The following ZPBP variants were observed in gnomAD, a reference collection of about 807,000 sequenced individuals.
ZPBP encodes the protein zona pellucida binding protein.
Under a neutral mutation model 44.8 loss-of-function variants are expected in ZPBP, and 26 were observed. The ratio of observed to expected loss-of-function variants is 0.58; its 90% confidence interval spans 0.43 to 0.81. The LOEUF (loss-of-function observed/expected upper bound fraction) is 0.81. ZPBP is among the 30% of genes least tolerant of loss of function. The probability of loss-of-function intolerance (pLI) is 0.00; values close to 1 mark genes in which losing one functional copy is unlikely to be tolerated. For synonymous variants in ZPBP, 174 were observed against 153.2 expected (o/e 1.14, Z -1.00); for missense variants, 409 against 434.0 (o/e 0.94, Z 0.51).
intron 1 of ZPBP, chr7:49,912,144 C>G (rs1428418971): frequency 1.9e-6 from 3 of 1,613,844 alleles, no homozygotes. Context: ...GAGAATCGAG[C>G]GGCAGGCCAT....
intron 7 of ZPBP, among the ~76,000 whole-genome samples, chr7:49,971,551 AT>A (rs1387169392): frequency 6.6e-6 from 1 of 152,178 alleles, no homozygotes; most frequent in African/African-American, 2.4e-5. Flanking sequence ...TCTATAAAAA[AT>A]GACTCAAAAG....
intron 1 of ZPBP, 183 bp downstream of exon 1, chr7:50,092,885 C>A (rs937116972): frequency 2.3e-5 from 20 of 887,592 alleles, no homozygotes; most frequent in Non-Finnish European, 3.1e-5. Flanking sequence ...TCATTCACTC[C>A]TCTATGCAAA....
chr7:50,068,087 C>G (rs1309417152), intron 3 of ZPBP, among the ~76,000 whole-genome samples: 1 of 152,048 alleles, frequency 6.6e-6, no homozygotes, highest in African/African-American at 2.4e-5. Flanking sequence ...TTTTTTAAAG[C>G]CTTCTCCTGG....
intron 6 of ZPBP, among the ~76,000 whole-genome samples, chr7:49,997,180 C>G (rs953312146): frequency 6.6e-6 from 1 of 152,164 alleles, no homozygotes; most frequent in African/African-American, 2.4e-5. Flanking sequence ...CTCCCTAAAC[C>G]TTTGAATTCC....
At chr7:49,986,189 C>A (rs1179282233) in intron 6 of ZPBP, among the ~76,000 whole-genome samples, 1 of 152,146 alleles carries the variant, frequency 6.6e-6, no homozygotes, top group Non-Finnish European at 1.5e-5. Flanking sequence ...TGTATCTGAG[C>A]CTTTTTGTCC....
rs562646809 is a variant in ZPBP at position 50,054,283 on chromosome 7, T to C, written c.487+3706A>G. Among the ~76,000 whole-genome samples, 201 of 152,282 alleles carry C rather than the reference T, an allele frequency of 1.3e-3. 1 individual carries two copies. Among genetic ancestry groups the C allele is most frequent in the Non-Finnish European group, 2.4e-3 (162 of 68,024 alleles). The stretch of plus-strand genomic sequence containing the variant: ...ATTACAAAAAAAAAATTGAAACTTC[T>C]GTTAGTATAAACATCTTAAGTGAGA... On this transcript the variant is annotated intron_variant, in intron 4 of 7. Transcript: ENST00000046087.
chr7:49,971,542 C>G (rs1002652441), intron 7 of ZPBP, among the ~76,000 whole-genome samples: 2 of 152,042 alleles, frequency 1.3e-5, no homozygotes, highest in Admixed American at 6.6e-5. Flanking sequence ...AATATATACT[C>G]TATAAAAAAT....
intron 2 of ZPBP, among the ~76,000 whole-genome samples, chr7:49,892,031 ATTTTTTTTTTTT>A (rs536880676): frequency 4.5e-4 from 24 of 53,290 alleles, no homozygotes; most frequent in African/African-American, 1.4e-3. Context: ...GACAAAGTAG[ATTTTTTTTTTTT>A]TTTTTTTTTT....
chr7:49,896,881 A>ATTTTTTTTTTTTTTTTTTTTTTTTTTTT (rs36066373), intron 2 of ZPBP, among the ~76,000 whole-genome samples: 1 of 95,054 alleles, frequency 1.1e-5, no homozygotes, highest in Non-Finnish European at 2.1e-5. Context: ...TGGATTGATA[A>ATTTTTTTTTTTTTTTTTTTTTTTTTTTT]TTTTTTTTTT....
intron 3 of ZPBP, among the ~76,000 whole-genome samples, chr7:50,073,022 A>C (rs1051970292): frequency 2.0e-5 from 3 of 152,170 alleles, no homozygotes; most frequent in Admixed American, 6.5e-5. Flanking sequence ...AACATCTACT[A>C]GTATCAACAC....
chr7:50,050,630 A>G (rs973855987), intron 4 of ZPBP, among the ~76,000 whole-genome samples: 1 of 151,820 alleles, frequency 6.6e-6, no homozygotes, highest in Admixed American at 6.6e-5. Flanking sequence ...AATGCATGCC[A>G]TAGTTAAATA....
intron 1 of ZPBP, among the ~76,000 whole-genome samples, chr7:49,905,673 A>G (rs997459224): frequency 6.6e-6 from 1 of 152,222 alleles, no homozygotes; most frequent in Non-Finnish European, 1.5e-5. Context: ...GAGCCACTCC[A>G]TCTTGAATAG....
chr7:49,847,294 A>G (rs1287823626), downstream of ZPBP, among the ~76,000 whole-genome samples: 2 of 151,532 alleles, frequency 1.3e-5, no homozygotes, highest in Non-Finnish European at 2.9e-5. Flanking sequence ...ATTTGCGACT[A>G]TTGACAAGTT....
chr7:49,967,475 G>A (rs570705082), intron 7 of ZPBP, among the ~76,000 whole-genome samples: 54 of 152,136 alleles, frequency 3.5e-4, no homozygotes, highest in African/African-American at 1.1e-3. Flanking sequence ...GGACTTTCTC[G>A]GGTGATAATA....
At chr7:49,846,263 T>G (rs1789943075), downstream of ZPBP, among the ~76,000 whole-genome samples, 1 of 152,134 alleles carries the variant, frequency 6.6e-6, no homozygotes, top group Non-Finnish European at 1.5e-5. Flanking sequence ...ATGTCGCCAC[T>G]TCCTCTGTGG....
At chr7:50,018,213 T>C (rs779934192) in intron 6 of ZPBP, 27 bp downstream of exon 6, 1 of 1,591,234 alleles carries the variant, frequency 6.3e-7, no homozygotes, top group African/African-American at 1.3e-5. Flanking sequence ...ACTTTTTTTT[T>C]CCTTTTACCA....
At chr7:49,951,951 G>C (rs1046502535) in intron 7 of ZPBP, among the ~76,000 whole-genome samples, 1 of 151,778 alleles carries the variant, frequency 6.6e-6, no homozygotes, top group Middle Eastern at 3.4e-3. Flanking sequence ...ATTATGCTAA[G>C]TGAAAAAAGC....
At chr7:50,028,873 T>A (rs1469648778) in intron 5 of ZPBP, among the ~76,000 whole-genome samples, 1 of 152,146 alleles carries the variant, frequency 6.6e-6, no homozygotes, top group Non-Finnish European at 1.5e-5. Context: ...TATCCTGTGT[T>A]CACAGATTAA....
At chr7:50,086,016 C>A (rs1456754419) in intron 2 of ZPBP, among the ~76,000 whole-genome samples, 1 of 152,106 alleles carries the variant, frequency 6.6e-6, no homozygotes. Flanking sequence ...AGGTACGTCA[C>A]AACGTGCACA....
Sources: allele counts gnomAD v4.1 joint callset (sites outside exome capture counted in the v4.1 genomes callset), GRCh38; gene constraint gnomAD v4.1.1; transcripts MANE v1.5; gene names NCBI Gene and HGNC (gene_info 2026-07-23, HGNC 2026-07-21).